MOXD1: variants seen among roughly 807,000 people sequenced by gnomAD.
MOXD1 encodes monooxygenase DBH like 1.
Under a neutral mutation model 66.6 loss-of-function variants are expected in MOXD1, and 62 were observed. That is an observed-to-expected ratio of 0.93 (90% CI 0.76 to 1.15). MOXD1 has a LOEUF of 1.15. Ranked by LOEUF, MOXD1 falls within the 50% of genes most tolerant of loss-of-function variation. The probability of loss-of-function intolerance (pLI) is 0.00; values close to 1 mark genes in which losing one functional copy is unlikely to be tolerated. For synonymous variants in MOXD1, 303 were observed against 281.9 expected (o/e 1.07, Z -0.75); for missense variants, 847 against 754.6 (o/e 1.12, Z -1.44).
intron 4 of MOXD1, among the ~76,000 whole-genome samples, chr6:132,333,112 A>T (rs546499852): frequency 1.3e-3 from 202 of 152,192 alleles, no homozygotes; most frequent in African/African-American, 4.7e-3. Context: ...CGAGGCGGGC[A>T]GATCACAAGG....
chr6:132,342,230 G>A (rs1775578456), intron 4 of MOXD1, among the ~76,000 whole-genome samples: 1 of 152,166 alleles, frequency 6.6e-6, no homozygotes, highest in Admixed American at 6.5e-5. Context: ...TCAAACTCCT[G>A]ACCTCATGAT....
intron 10 of MOXD1, among the ~76,000 whole-genome samples, chr6:132,315,318 C>T (rs1200331878): frequency 1.3e-5 from 2 of 152,178 alleles, no homozygotes; most frequent in Admixed American, 6.5e-5. Context: ...GCCTGGTTTC[C>T]TCTAGACTTT....
chr6:132,398,374 A>C (rs1021040175), intron 1 of MOXD1, among the ~76,000 whole-genome samples: 2 of 152,234 alleles, frequency 1.3e-5, no homozygotes, highest in Non-Finnish European at 2.9e-5. Flanking sequence ...AAAATTTTTA[A>C]AAACTAAAGT....
At chr6:132,345,832 C>T (rs941602416) in intron 4 of MOXD1, among the ~76,000 whole-genome samples, 3 of 151,106 alleles carry the variant, frequency 2.0e-5, no homozygotes, top group Non-Finnish European at 2.9e-5. Context: ...TTTCTTTAAC[C>T]TAAATCTGCT....
chr6:132,303,833 G>GTGTA (rs1425524445), intron 10 of MOXD1, among the ~76,000 whole-genome samples: 3 of 59,988 alleles, frequency 5.0e-5, no homozygotes, highest in African/African-American at 1.3e-4. Context: ...GTGTGTGTGT[G>GTGTA]TGTATATATA....
intron 1 of MOXD1, among the ~76,000 whole-genome samples, chr6:132,375,999 T>C (rs970714274): frequency 2.0e-5 from 3 of 152,204 alleles, no homozygotes; most frequent in Non-Finnish European, 4.4e-5. Context: ...TTTTGCACCA[T>C]AGTTTGGTTT....
At chr6:132,309,487 C>G (rs1774774828) in intron 10 of MOXD1, among the ~76,000 whole-genome samples, 1 of 152,164 alleles carries the variant, frequency 6.6e-6, no homozygotes, top group Non-Finnish European at 1.5e-5. Context: ...ATCAAACTAC[C>G]ATTGACATTC....
chr6:132,388,703 G>T (rs1477303143), intron 1 of MOXD1, among the ~76,000 whole-genome samples: 3 of 151,282 alleles, frequency 2.0e-5, no homozygotes, highest in African/African-American at 4.8e-5. Flanking sequence ...AATAAAAAGG[G>T]GGTCCATTTT....
chr6:132,316,294 T>A lies in MOXD1; in HGVS notation c.1366-517A>T, dbSNP rs149800147. Among the ~76,000 whole-genome samples the A allele has an allele frequency of 1.3e-3, 199 of 152,230 alleles. 6 individuals are homozygous for A. The East Asian group carries it at 0.033, about 26-fold the overall frequency. ...TTACTACAACATATTATCTAATATG[T>A]CTAATTTCAACCAAAAATTATTAAG... On this transcript the variant is annotated intron_variant, in intron 9 of 11. Transcript: ENST00000367963.
intron 4 of MOXD1, among the ~76,000 whole-genome samples, chr6:132,331,392 A>C (rs965594818): frequency 6.6e-6 from 1 of 152,182 alleles, no homozygotes; most frequent in Non-Finnish European, 1.5e-5. Flanking sequence ...AGTGGCCTTC[A>C]TTGAAGTAGA....
At chr6:132,386,524 G>T (rs1406987095) in intron 1 of MOXD1, among the ~76,000 whole-genome samples, 1 of 150,566 alleles carries the variant, frequency 6.6e-6, no homozygotes, top group African/African-American at 2.4e-5. Context: ...TCTATCCAGA[G>T]ACCAGGCAAA....
intron 4 of MOXD1, among the ~76,000 whole-genome samples, chr6:132,371,158 G>C (rs1776255460): frequency 6.6e-6 from 1 of 152,062 alleles, no homozygotes; most frequent in Non-Finnish European, 1.5e-5. Flanking sequence ...CCTGGTTCCA[G>C]TTAAATTTAC....
intron 4 of MOXD1, among the ~76,000 whole-genome samples, chr6:132,335,985 C>T (rs1202567900): frequency 6.6e-6 from 1 of 152,124 alleles, no homozygotes; most frequent in East Asian, 1.9e-4. Context: ...TCTGATTATA[C>T]TCAGCAATAT....
rs1350915243 is a variant in MOXD1, at chr6:132,349,392, T to C, written c.664-20798A>G. ...ATATATATATACATGTATATATATA[T>C]ACACATATATATACATATATATATA... is the stretch of plus-strand genomic sequence containing the variant. On this transcript the variant is annotated intron_variant, in intron 4 of 11. Coordinates refer to ENST00000367963, the MANE Select transcript of MOXD1 (RefSeq NM_015529.4). Among the ~76,000 whole-genome samples, 5 of 86,900 alleles carry C rather than the reference T, an allele frequency of 5.8e-5. 1 individual carries two copies. Among genetic ancestry groups the C allele is most frequent in the Admixed American group, 1.5e-4 (1 of 6,494 alleles). The allele number at this position is 86,900 out of a possible 152,430, so 57.0% of individuals were successfully genotyped here.
intron 6 of MOXD1, among the ~76,000 whole-genome samples, chr6:132,326,613 GT>G (rs1460449675): frequency 5.9e-5 from 9 of 151,920 alleles, no homozygotes; most frequent in African/African-American, 1.9e-4. Flanking sequence ...ATGTTTTATA[GT>G]CACATATGAT....
At position 132,320,652 on chromosome 6, in the gene MOXD1, T is replaced by C; in HGVS notation, c.1342A>G (p.Lys448Glu). The change falls in exon 9 of 12, where the codon AAA becomes GAA. Residue 448 changes from lysine (K) to glutamate (E), a missense_variant. Physicochemically the swap from Lys to Glu is moderately conservative, Grantham distance 56. Coordinates refer to ENST00000367963, the MANE Select transcript of MOXD1 (RefSeq NM_015529.4). ...ACCCAAGTCATCTCAGCTCTATCTTTCGTGTTGTAGCGACACTCAGTAATT... is the reference window on the plus strand; with the variant it reads ...ACCCAAGTCATCTCAGCTCTATCTTCCGTGTTGTAGCGACACTCAGTAATT... ...NLITECRYNT[K>E]DRAEMTWGGL... The C allele has an allele frequency of 6.2e-7, 1 of 1,611,098 alleles. No individual in the cohort carries two copies. The highest frequency in any genetic ancestry group is 8.5e-7 in the Non-Finnish European group (1 of 1,178,540).
intron 4 of MOXD1, among the ~76,000 whole-genome samples, chr6:132,362,811 T>C (rs768170739): frequency 9.2e-5 from 14 of 152,216 alleles, no homozygotes; most frequent in Non-Finnish European, 1.8e-4. Flanking sequence ...TCCACGGAAA[T>C]TATTTCCAAT....
chr6:132,347,828 TG>T (rs1775697627), intron 4 of MOXD1, among the ~76,000 whole-genome samples: 1 of 152,196 alleles, frequency 6.6e-6, no homozygotes, highest in Admixed American at 6.5e-5. Flanking sequence ...TTATAAGTCA[TG>T]AAAGTTAAAC....
chr6:132,382,914 A>G (rs1776540554), intron 1 of MOXD1, among the ~76,000 whole-genome samples: 1 of 152,132 alleles, frequency 6.6e-6, no homozygotes, highest in Admixed American at 6.5e-5. Context: ...ACTCATTGTC[A>G]GTCTATTTTT....
Sources: gnomAD v4.1 joint callset for allele counts (sites outside exome capture counted in the v4.1 genomes callset) on GRCh38, gnomAD v4.1.1 for gene constraint, MANE v1.5 for transcripts, NCBI Gene and HGNC (gene_info 2026-07-23, HGNC 2026-07-21) for gene names.